Variants in ADGRA1 observed in about 807,000 individuals in gnomAD.
ADGRA1 encodes G-protein coupled receptor 123.
ADGRA1 carries 12 observed loss-of-function variants against 21.3 expected under a neutral mutation model. The observed-to-expected ratio is 0.56, with a 90% confidence interval of 0.36 to 0.91. ADGRA1 has a LOEUF of 0.91. Among genes scored for constraint, ADGRA1 ranks in the 40% least tolerant of loss-of-function variants. The pLI is 0.01. For missense variants in ADGRA1, 790 were observed against 805.6 expected (o/e 0.98, Z 0.23); for synonymous variants, 385 against 368.8 (o/e 1.04, Z -0.50).
chr10:133,099,021 G>A (rs1851740295), intron 4 of ADGRA1, among the ~76,000 whole-genome samples: 1 of 152,174 alleles, frequency 6.6e-6, no homozygotes, highest in Non-Finnish European at 1.5e-5. Context: ...CACTGCCCGG[G>A]AACAGGGACA....
At chr10:133,114,500 C>T (rs944991518) in intron 5 of ADGRA1, among the ~76,000 whole-genome samples, 4 of 152,168 alleles carry the variant, frequency 2.6e-5, no homozygotes, top group Non-Finnish European at 4.4e-5. Context: ...GTGGCCCTGT[C>T]CTTCTCCACC....
At chr10:133,095,599 G>T in intron 2 of ADGRA1, 1 of 1,546,018 alleles carries the variant, frequency 6.5e-7, no homozygotes. Context: ...GAACCCTGGG[G>T]CAGGGGCCCT....
At chr10:133,118,597 G>T (rs1287401050) in intron 5 of ADGRA1, among the ~76,000 whole-genome samples, 2 of 152,104 alleles carry the variant, frequency 1.3e-5, no homozygotes, top group Non-Finnish European at 2.9e-5. Flanking sequence ...AGGGGGAAGA[G>T]CCTCCTATAA....
Position 133,098,783 on chromosome 10 carries a change from C to G in ADGRA1, c.255+20C>G. ...CAGGCGGTGAGTGCCGGGGCGCCCT[C>G]GTTGGCTCCTCCCAGAGGGGAACTG... On this transcript the variant is annotated intron_variant, in intron 4 of 6. Coordinates refer to ENST00000392607, the MANE Select transcript of ADGRA1 (RefSeq NM_001083909.3). 6.2e-7 allele frequency: 1 copy of G among 1,605,752 alleles called. No homozygotes were observed. The highest frequency in any genetic ancestry group is 8.5e-7 in the Non-Finnish European group (1 of 1,178,560).
intron 2 of ADGRA1, 63 bp from the exon 3 acceptor site, chr10:133,096,911 C>T (rs1422854525): frequency 1.9e-6 from 3 of 1,560,254 alleles, no homozygotes; most frequent in Non-Finnish European, 8.7e-7. Flanking sequence ...TAGGCTCAGG[C>T]GACGGCGCCG....
intron 5 of ADGRA1, among the ~76,000 whole-genome samples, chr10:133,121,979 G>GA (rs1351193977): frequency 2.0e-5 from 3 of 151,916 alleles, no homozygotes; most frequent in African/African-American, 7.3e-5. Context: ...CTGTGTGTAT[G>GA]TGTGTGCCTG....
At chr10:133,111,890 C>T (rs1223863686) in intron 5 of ADGRA1, among the ~76,000 whole-genome samples, 41 of 109,006 alleles carry the variant, frequency 3.8e-4, no homozygotes, top group East Asian at 1.0e-3. Context: ...CTGCCCACCA[C>T]AGACACCTCC....
At chr10:133,103,761 C>T (rs1417386189) in intron 5 of ADGRA1, among the ~76,000 whole-genome samples, 7 of 152,226 alleles carry the variant, frequency 4.6e-5, no homozygotes, top group East Asian at 1.9e-4. Context: ...CGTGACCAGG[C>T]CGGAGCTCGC....
At chr10:133,120,631 G>C (rs1852237175) in intron 5 of ADGRA1, among the ~76,000 whole-genome samples, 1 of 152,210 alleles carries the variant, frequency 6.6e-6, no homozygotes, top group Non-Finnish European at 1.5e-5. Flanking sequence ...TAGGGTTAAA[G>C]AGAGTTAGGG....
At chr10:133,102,317 C>T (rs776175111) in intron 4 of ADGRA1, 62 of 509,474 alleles carry the variant, frequency 1.2e-4, no homozygotes, top group Non-Finnish European at 2.3e-4. Context: ...CACCTCCTCT[C>T]CCTTGGTGGA....
At chr10:133,090,009 G>C (rs1003055040) in intron 2 of ADGRA1, among the ~76,000 whole-genome samples, 1 of 152,202 alleles carries the variant, frequency 6.6e-6, no homozygotes, top group South Asian at 2.1e-4. Context: ...GCAGCCCCAG[G>C]CCTCCCAGTT....
intron 5 of ADGRA1, 25 bp downstream of exon 5, chr10:133,102,867 G>A: frequency 6.3e-7 from 1 of 1,591,628 alleles, no homozygotes; most frequent in African/African-American, 1.3e-5. Flanking sequence ...TGGGCGCGAG[G>A]CCCCGCCACC....
rs1304939655 is a variant in ADGRA1 at position 133,128,521 on chromosome 10, G to A, written c.693G>A (p.Arg231=). Residue 231 remains arginine (R), a synonymous_variant, in exon 7 of 7, where the codon CGG becomes CGA. Transcript: ENST00000392607. ...CACCCGAGGGCGGCCGTGGGATCCGGCCAGGCACCCCACCCGCACACGATG... is the reference window on the plus strand; with the variant it reads ...CACCCGAGGGCGGCCGTGGGATCCGACCAGGCACCCCACCCGCACACGATG... ...LATPEGGRGI[R]PGTPPAHDAP... 3 of 1,547,556 alleles carry A rather than the reference G, an allele frequency of 1.9e-6. No homozygotes were observed. The East Asian group carries it at 7.3e-5, about 38-fold the overall frequency.
At chr10:133,121,389 GGT>G (rs202168061) in intron 5 of ADGRA1, among the ~76,000 whole-genome samples, 1 of 151,848 alleles carries the variant, frequency 6.6e-6, no homozygotes, top group African/African-American at 2.4e-5. Flanking sequence ...GCATGTGTGT[GGT>G]GTGTGTCAGT....
In ADGRA1 at chr10:133,128,815, C is replaced by A; in HGVS notation, c.987C>A (p.Pro329=). Residue 329 remains proline (P), a synonymous_variant, in exon 7 of 7, where the codon CCC becomes CCA. Transcript: ENST00000392607. The part of the protein sequence containing the change: ...ACCPPRKDAH[P]ALDANGAALG... Reference sequence around the variant, plus strand: ...GCCCGCCCCGCAAGGACGCCCACCCCGCACTTGACGCCAACGGGGCCGCGC... The same window carrying A: ...GCCCGCCCCGCAAGGACGCCCACCCAGCACTTGACGCCAACGGGGCCGCGC... 1 of 1,605,230 alleles carries A rather than the reference C, an allele frequency of 6.2e-7. No homozygotes were observed. The highest frequency in any genetic ancestry group is 8.5e-7 in the Non-Finnish European group (1 of 1,176,958).
chr10:133,100,844 G>T (rs527661403), intron 4 of ADGRA1, among the ~76,000 whole-genome samples: 2 of 152,228 alleles, frequency 1.3e-5, no homozygotes, highest in Non-Finnish European at 2.9e-5. Flanking sequence ...AAAATGAACC[G>T]TGGGAGCATT....
intron 5 of ADGRA1, among the ~76,000 whole-genome samples, chr10:133,122,201 T>A (rs1852282287): frequency 6.6e-6 from 1 of 152,222 alleles, no homozygotes; most frequent in African/African-American, 2.4e-5. Context: ...CTGCCCTGGG[T>A]GGCACCTGGG....
Position 133,097,115 on chromosome 10 carries a change from G to A in ADGRA1, c.131+14G>A. ...CGTGCACCAGAGGTGAGCCTGGCAT[G>A]GGCAAGGGCGCCCCCTGTGCCCAAG... On this transcript the variant is annotated intron_variant, in intron 3 of 6. Coordinates refer to ENST00000392607, the MANE Select transcript of ADGRA1 (RefSeq NM_001083909.3). 1 of 1,603,208 alleles carries A rather than the reference G, an allele frequency of 6.2e-7. No homozygotes were observed. The highest frequency in any genetic ancestry group is 8.5e-7 in the Non-Finnish European group (1 of 1,179,856).
chr10:133,120,887 C>T (rs1442530857), intron 5 of ADGRA1, among the ~76,000 whole-genome samples: 1 of 152,316 alleles, frequency 6.6e-6, no homozygotes, highest in Non-Finnish European at 1.5e-5. Context: ...CCTCACTAAG[C>T]GTAATGATTT....
Sources: allele counts gnomAD v4.1 joint callset (sites outside exome capture counted in the v4.1 genomes callset), GRCh38; gene constraint gnomAD v4.1.1; transcripts MANE v1.5; gene names NCBI Gene and HGNC (gene_info 2026-07-23, HGNC 2026-07-21).